KLHL22: variants seen among roughly 807,000 people sequenced by gnomAD.
KLHL22 encodes the protein kelch-like protein 22.
In KLHL22, 18 loss-of-function variants were observed where a neutral mutation model predicts 60.7. The observed-to-expected ratio is 0.30, with a 90% CI of 0.20 to 0.44. The LOEUF is 0.44. KLHL22 is among the 20% of genes least tolerant of loss of function. KLHL22 has a pLI of 1.00. For missense variants in KLHL22, 596 were observed against 852.3 expected (o/e 0.70, Z 3.74); for synonymous variants, 355 against 354.5 (o/e 1.00, Z -0.01).
chr22:20,447,612 G>C lies in KLHL22; in HGVS notation c.1306-936C>G, dbSNP rs1009772259. Among the ~76,000 whole-genome samples, 18 of 146,952 alleles carry C rather than the reference G, an allele frequency of 1.2e-4. No homozygotes were observed. The Admixed American group carries it at 1.3e-3, about 10-fold the overall frequency. ...GGCCGGAGTGCAGTGGCACGATCTC[G>C]GCTCACTGCAATCTCCGCCTCCCGG... On this transcript the variant is annotated intron_variant, in intron 5 of 6. Transcript: ENST00000328879.
chr22:20,454,773 C>T (rs2053036265), intron 5 of KLHL22, among the ~76,000 whole-genome samples: 3 of 152,176 alleles, frequency 2.0e-5, no homozygotes, highest in Admixed American at 2.0e-4. Flanking sequence ...TCTTACTCTT[C>T]CAATCCATGG....
At chr22:20,491,680 G>A (rs1231819280) in intron 1 of KLHL22, 2 of 152,170 alleles carry the variant, frequency 1.3e-5, no homozygotes, top group Admixed American at 1.3e-4. Context: ...AAACATCACT[G>A]TGTGGCACAT....
chr22:20,490,514 GT>G (rs981263419), intron 1 of KLHL22, among the ~76,000 whole-genome samples: 3 of 152,106 alleles, frequency 2.0e-5, no homozygotes, highest in African/African-American at 7.2e-5. Context: ...ATGTGTGAGG[GT>G]TTTTCCCCAT....
chr22:20,462,999 A>G (rs879107267), intron 4 of KLHL22, among the ~76,000 whole-genome samples: 1 of 152,346 alleles, frequency 6.6e-6, no homozygotes, highest in Admixed American at 6.5e-5. Context: ...TATAGCTTTT[A>G]GAATTCACCA....
chr22:20,449,347 A>T (rs1012881575), intron 5 of KLHL22, among the ~76,000 whole-genome samples: 2 of 151,826 alleles, frequency 1.3e-5, no homozygotes, highest in Admixed American at 1.3e-4. Flanking sequence ...GGTGTGAGCC[A>T]CCGTGCCCGG....
rs768551995 is a variant in KLHL22 at position 20,465,337 on chromosome 22, G to C, written c.633C>G (p.Thr211=). ...SSNRLEVSCE[T]EVYEGALLYH... is the part of the protein sequence containing the mutation. The stretch of plus-strand genomic sequence containing the variant: ...AGAGAAGGGCCCCCTCATATACCTC[G>C]GTCTCGCAGGAGACCTCCAGGCGAT... The change falls in exon 4 of 7, where the codon ACC becomes ACG. Residue 211 remains threonine (T), a synonymous_variant. Transcript: ENST00000328879. The surrounding 1 kb of genome is among the most constrained non-coding windows in gnomAD (Gnocchi z 4.9). The C allele has an allele frequency of 2.0e-5, 32 of 1,614,016 alleles. No homozygotes were observed. The highest frequency in any genetic ancestry group is 2.7e-5 in the Non-Finnish European group (32 of 1,179,974).
intron 2 of KLHL22, among the ~76,000 whole-genome samples, chr22:20,478,539 G>T (rs1405079179): frequency 9.4e-6 from 1 of 106,558 alleles, no homozygotes; most frequent in South Asian, 3.3e-4. Flanking sequence ...TTTTGAGATG[G>T]AGTCTTGCTT....
intron 6 of KLHL22, among the ~76,000 whole-genome samples, chr22:20,444,434 G>A (rs1165199303): frequency 1.3e-5 from 2 of 152,122 alleles, no homozygotes; most frequent in African/African-American, 4.8e-5. Flanking sequence ...AAACTAATGT[G>A]CTGGCCCAGA....
At chr22:20,483,699 C>G (rs1259602226) in intron 2 of KLHL22, 85 of 735,998 alleles carry the variant, frequency 1.2e-4, no homozygotes, top group Non-Finnish European at 2.1e-4. Context: ...TCTGAGCCCT[C>G]AGGTCCTCGA....
intron 2 of KLHL22, among the ~76,000 whole-genome samples, chr22:20,473,987 C>T (rs1008232549): frequency 2.0e-5 from 3 of 152,230 alleles, no homozygotes; most frequent in Non-Finnish European, 2.9e-5. Flanking sequence ...CAGTCATATT[C>T]CACATCTCAC....
chr22:20,462,041 T>A (rs1456298408), intron 4 of KLHL22, among the ~76,000 whole-genome samples: 1 of 152,104 alleles, frequency 6.6e-6, no homozygotes, highest in Non-Finnish European at 1.5e-5. Context: ...GAGGTTGTGG[T>A]GAGCCAAGAT....
Position 20,465,663 on chromosome 22 carries a change from G to A in KLHL22, c.394-87C>T. ...GAGAATGATGGCAGAAATACGGGCT[G>A]TTGTGGGCCAGGCAAAGCAGAAGGG... On this transcript the variant is annotated intron_variant, in intron 3 of 6. Transcript: ENST00000328879. The surrounding 1 kb of genome is among the most constrained non-coding windows in gnomAD (Gnocchi z 4.9). The A allele has an allele frequency of 1.3e-6, 1 of 778,136 alleles. No homozygotes were observed. The highest frequency in any genetic ancestry group is 2.3e-6 in the Non-Finnish European group (1 of 427,338). The allele number at this position is 778,136 out of a possible 1,614,324, so 48.2% of individuals were successfully genotyped here. A position where few individuals can be genotyped will look rare whatever the true frequency, so the allele number is the denominator to read the frequency against.
At position 20,493,031 on chromosome 22, in the gene KLHL22, C is replaced by T. The variant is rs931487904; in HGVS notation, c.-34+2729G>A. ...ACTCTGGGCACTTGTCTCATATACC[C>T]ACGCCTCAGCTTTCTCATCACCACC... On this transcript the variant is annotated intron_variant, in intron 1 of 6. Transcript: ENST00000328879. 1.8e-5 allele frequency: 7 copies of T among 397,104 alleles called. No individual in the cohort carries two copies. In the East Asian group the frequency reaches 5.2e-4, roughly 29 times the overall value. 24.6% of individuals were successfully genotyped at this position (397,104 alleles called of 1,614,324 possible).
chr22:20,474,928 C>A (rs1217955590), intron 2 of KLHL22, among the ~76,000 whole-genome samples: 1 of 152,174 alleles, frequency 6.6e-6, no homozygotes, highest in African/African-American at 2.4e-5. Flanking sequence ...GGTGCCTGCA[C>A]CCTCTACCCC....
intron 1 of KLHL22, chr22:20,493,174 C>T: frequency 2.1e-6 from 1 of 471,306 alleles, no homozygotes; most frequent in South Asian, 1.5e-5. Flanking sequence ...AGTGCCTCTG[C>T]TCTCTTGGGA....
At chr22:20,490,533 C>T (rs1421962077) in intron 1 of KLHL22, among the ~76,000 whole-genome samples, 1 of 152,174 alleles carries the variant, frequency 6.6e-6, no homozygotes, top group Non-Finnish European at 1.5e-5. Context: ...CATTAACAAG[C>T]AAGCAATCAA....
At position 20,464,894 on chromosome 22, in the gene KLHL22, T is replaced by C. The variant is rs1320745004; in HGVS notation, c.1076A>G (p.Asn359Ser). Reference sequence around the variant, plus strand: ...GGACTCTGCTCGAAATCCTTGGACATTGTTGTCCCCTCCAATCAAGTATAC... The same window carrying C: ...GGACTCTGCTCGAAATCCTTGGACACTGTTGTCCCCTCCAATCAAGTATAC... ...NFVYLIGGDN[N>S]VQGFRAESRC... is the part of the protein sequence containing the mutation. The change falls in exon 4 of 7, where the codon AAT (asparagine) becomes AGT (serine). Residue 359 changes from asparagine (N) to serine (S), a missense_variant. Coordinates refer to ENST00000328879, the MANE Select transcript of KLHL22 (RefSeq NM_032775.4). The C allele has an allele frequency of 6.4e-7, 1 of 1,555,322 alleles. No individual in the cohort carries two copies. The highest frequency in any genetic ancestry group is 8.7e-7 in the Non-Finnish European group (1 of 1,151,178).
chr22:20,442,419 G>A lies in KLHL22; in HGVS notation c.1559C>T (p.Thr520Met), dbSNP rs750028643. The A allele has an allele frequency of 4.4e-6, 7 of 1,599,822 alleles. No homozygotes were observed. The highest frequency in any genetic ancestry group is 2.2e-5 in the East Asian group (1 of 44,462). Residue 520 changes from threonine (T) to methionine (M), a missense_variant, in exon 7 of 7, where the codon ACG becomes ATG. By Grantham distance (81) the Thr-to-Met change is moderately conservative. Coordinates refer to ENST00000328879, the MANE Select transcript of KLHL22 (RefSeq NM_032775.4). ...DVHQVACYSC[T>M]SGQWSSVCPL... ...GCAGACAGATGACCACTGTCCAGAC[G>A]TGCAGCTGTAGCAGGCCACCTGCAA...
chr22:20,455,434 G>A (rs1378951682), intron 5 of KLHL22, among the ~76,000 whole-genome samples: 1 of 152,174 alleles, frequency 6.6e-6, no homozygotes, highest in Non-Finnish European at 1.5e-5. Context: ...AGGAAAAGCT[G>A]TGAGCCCCTC....
Sources: gnomAD v4.1 joint callset for allele counts (sites outside exome capture counted in the v4.1 genomes callset) on GRCh38, gnomAD v4.1.1 for gene constraint, Gnocchi (gnomAD v3.1) non-coding constraint, MANE v1.5 for transcripts, NCBI Gene and HGNC (gene_info 2026-07-23, HGNC 2026-07-21) for gene names.